The following L3MBTL4 variants were observed in gnomAD, a reference collection of about 807,000 sequenced individuals.
The protein encoded by L3MBTL4 is L3MBTL histone methyl-lysine binding protein 4, also known as lethal(3)malignant brain tumor-like protein 4.
In L3MBTL4, 70 loss-of-function variants were observed where a neutral mutation model predicts 84.5. The ratio of observed to expected loss-of-function variants is 0.83; its 90% confidence interval spans 0.68 to 1.01. The LOEUF (loss-of-function observed/expected upper bound fraction) is 1.01. L3MBTL4 is among the 50% of genes least tolerant of loss of function. The pLI is 0.00. For synonymous variants in L3MBTL4, 274 were observed against 259.8 expected (o/e 1.05, Z -0.52); for missense variants, 715 against 754.8 (o/e 0.95, Z 0.62).
At chr18:6,067,109 A>T (rs1295508017) in intron 16 of L3MBTL4, among the ~76,000 whole-genome samples, 1 of 152,148 alleles carries the variant, frequency 6.6e-6, no homozygotes, top group Non-Finnish European at 1.5e-5. Context: ...TTGCTTAAGG[A>T]AGCCAAAGAT....
At chr18:6,119,879 A>G (rs974331912) in intron 14 of L3MBTL4, among the ~76,000 whole-genome samples, 5 of 152,208 alleles carry the variant, frequency 3.3e-5, no homozygotes, top group Non-Finnish European at 7.3e-5. Context: ...AGAAGACTAA[A>G]AGCTAAGCAT....
chr18:6,006,013 A>T (rs979406930), intron 16 of L3MBTL4, among the ~76,000 whole-genome samples: 14 of 37,504 alleles, frequency 3.7e-4, no homozygotes, highest in South Asian at 2.8e-3. Context: ...ACCATAATTT[A>T]AAAAAAAAAA....
At chr18:6,229,437 T>C (rs569198714) in intron 10 of L3MBTL4, among the ~76,000 whole-genome samples, 1 of 152,262 alleles carries the variant, frequency 6.6e-6, no homozygotes, top group Non-Finnish European at 1.5e-5. Flanking sequence ...TTTCACACTG[T>C]TGATACTCAT....
intron 1 of L3MBTL4, among the ~76,000 whole-genome samples, chr18:6,373,283 G>A (rs1243956271): frequency 6.6e-6 from 1 of 152,146 alleles, no homozygotes; most frequent in Non-Finnish European, 1.5e-5. Context: ...CTGAAACAAA[G>A]TAGTCTTTTA....
intron 5 of L3MBTL4, among the ~76,000 whole-genome samples, chr18:6,250,257 G>A (rs2047865080): frequency 6.6e-6 from 1 of 152,128 alleles, no homozygotes; most frequent in Admixed American, 6.5e-5. Context: ...TAAAATGCTT[G>A]TAAAATGGGC....
At chr18:6,235,914 T>C (rs1365704817) in intron 10 of L3MBTL4, among the ~76,000 whole-genome samples, 1 of 152,168 alleles carries the variant, frequency 6.6e-6, no homozygotes, top group African/African-American at 2.4e-5. Flanking sequence ...AACTGAAAAC[T>C]ACAAATTATA....
chr18:6,140,346 G>A (rs765282983), intron 13 of L3MBTL4, among the ~76,000 whole-genome samples: 1 of 152,208 alleles, frequency 6.6e-6, no homozygotes, highest in Non-Finnish European at 1.5e-5. Flanking sequence ...TTTCAATCAT[G>A]TCTGGCTGTG....
intron 4 of L3MBTL4, among the ~76,000 whole-genome samples, chr18:6,285,480 T>C (rs1277013735): frequency 7.0e-6 from 1 of 143,208 alleles, no homozygotes; most frequent in Admixed American, 6.8e-5. Context: ...AATAGTGCTA[T>C]AAAGTGTGTG....
intron 12 of L3MBTL4, among the ~76,000 whole-genome samples, chr18:6,195,696 C>T (rs748371742): frequency 4.6e-5 from 7 of 152,106 alleles, no homozygotes; most frequent in Non-Finnish European, 1.0e-4. Flanking sequence ...TGTGGCTGAG[C>T]GGAAAACATT....
chr18:6,089,978 G>A (rs1420925433), intron 15 of L3MBTL4, among the ~76,000 whole-genome samples: 1 of 151,950 alleles, frequency 6.6e-6, no homozygotes, highest in Non-Finnish European at 1.5e-5. Flanking sequence ...CAAAATTATG[G>A]GAAGCTCCAA....
intron 1 of L3MBTL4, among the ~76,000 whole-genome samples, chr18:6,339,745 G>A (rs1390661523): frequency 1.3e-5 from 2 of 152,038 alleles, no homozygotes; most frequent in African/African-American, 4.8e-5. Flanking sequence ...ATCAGGCAGG[G>A]AAAGGAAGGA....
intron 1 of L3MBTL4, among the ~76,000 whole-genome samples, chr18:6,362,562 A>G (rs538680237): frequency 1.3e-5 from 2 of 152,334 alleles, no homozygotes; most frequent in Admixed American, 6.5e-5. Context: ...AAGTCTCATT[A>G]TAAGTATTTT....
At chr18:6,275,797 G>C (rs2049055092) in intron 4 of L3MBTL4, among the ~76,000 whole-genome samples, 1 of 152,164 alleles carries the variant, frequency 6.6e-6, no homozygotes, top group Non-Finnish European at 1.5e-5. Flanking sequence ...AAAAATCCAA[G>C]CGAGGTGCTC....
At chr18:5,995,741 T>A (rs578250313) in intron 16 of L3MBTL4, among the ~76,000 whole-genome samples, 3 of 152,020 alleles carry the variant, frequency 2.0e-5, no homozygotes, top group Non-Finnish European at 2.9e-5. Flanking sequence ...GGCAGGAAAA[T>A]GTTACCCTAA....
At chr18:6,250,563 T>G (rs2047880104) in intron 5 of L3MBTL4, among the ~76,000 whole-genome samples, 1 of 152,118 alleles carries the variant, frequency 6.6e-6, no homozygotes, top group Non-Finnish European at 1.5e-5. Flanking sequence ...TGCCCCTCAA[T>G]AGTCTATGTT....
chr18:6,319,890 C>T (rs901338847), intron 1 of L3MBTL4, among the ~76,000 whole-genome samples: 1 of 151,962 alleles, frequency 6.6e-6, no homozygotes, highest in East Asian at 1.9e-4. Context: ...TGCAAAAATC[C>T]TCAACAAAAT....
chr18:6,082,154 G>T (rs191651728), intron 15 of L3MBTL4, among the ~76,000 whole-genome samples: 1 of 152,096 alleles, frequency 6.6e-6, no homozygotes, highest in East Asian at 1.9e-4. Flanking sequence ...TGCCTCACTG[G>T]GTTGTTCAGA....
intron 16 of L3MBTL4, among the ~76,000 whole-genome samples, chr18:5,973,519 G>T (rs1028367340): frequency 6.7e-6 from 1 of 149,676 alleles, no homozygotes; most frequent in Non-Finnish European, 1.5e-5. Context: ...TGTAATATGC[G>T]AATATACTGA....
intron 13 of L3MBTL4, among the ~76,000 whole-genome samples, chr18:6,144,959 G>A (rs1472942299): frequency 7.2e-5 from 11 of 152,164 alleles, no homozygotes; most frequent in Admixed American, 6.6e-4. Context: ...TTACACCAGT[G>A]ATCTGTCATG....
Sources: gnomAD v4.1 joint callset for allele counts (sites outside exome capture counted in the v4.1 genomes callset) on GRCh38, gnomAD v4.1.1 for gene constraint, MANE v1.5 for transcripts, NCBI Gene and HGNC (gene_info 2026-07-23, HGNC 2026-07-21) for gene names.